CDC42BPA: variants seen among roughly 807,000 people sequenced by gnomAD.
CDC42BPA encodes the protein CDC42 binding protein kinase alpha.
A neutral mutation model predicts 223.5 loss-of-function variants in CDC42BPA; 80 were observed. The observed-to-expected ratio is 0.36, with a 90% CI of 0.30 to 0.43. The LOEUF (loss-of-function observed/expected upper bound fraction) is 0.43, where lower values mean the gene tolerates loss of function less well. Among genes scored for constraint, CDC42BPA ranks in the 20% least tolerant of loss-of-function variants. The pLI, the probability that CDC42BPA is intolerant of heterozygous loss-of-function variation, is 1.00. For missense variants in CDC42BPA, 1,743 were observed against 2,099.9 expected, an observed-to-expected ratio of 0.83 and a Z score of 3.32; for synonymous variants, 694 against 718.6, an observed-to-expected ratio of 0.97 and a Z score of 0.55.
At chr1:227,110,408 T>A (rs944566119) in intron 14 of CDC42BPA, among the ~76,000 whole-genome samples, 5 of 152,142 alleles carry the variant, frequency 3.3e-5, no homozygotes, top group Non-Finnish European at 5.9e-5. Context: ...CAGAGATGTG[T>A]TTGGCAAGTA....
rs566123247 is a variant in CDC42BPA at position 226,998,905 on chromosome 1, G to T, written c.4976-3925C>A. On this transcript the variant is annotated intron_variant, in intron 35 of 36. Transcript: ENST00000366766. ...TTTTGCCATCTATCCATCTGACAAA[G>T]GGCTAATATCCAGAATCTACAAGGA... is the stretch of plus-strand genomic sequence containing the variant. Among the ~76,000 whole-genome samples the T allele has an allele frequency of 5.3e-5, 8 of 152,176 alleles. No homozygotes were observed. In the South Asian group the frequency reaches 1.7e-3, roughly 32 times the overall value.
chr1:227,300,642 G>C (rs115769147), intron 1 of CDC42BPA, among the ~76,000 whole-genome samples: 9,121 of 152,260 alleles, frequency 0.06, 279 homozygotes, highest in Non-Finnish European at 0.073. Context: ...AAGGCAGACA[G>C]AGTAGTATAA....
intron 25 of CDC42BPA, among the ~76,000 whole-genome samples, chr1:227,035,012 G>C (rs1029973261): frequency 1.3e-5 from 2 of 152,106 alleles, no homozygotes; most frequent in South Asian, 4.1e-4. Context: ...TTTATTCTGA[G>C]AAACATTTTA....
chr1:227,279,162 A>C (rs1425178613), intron 1 of CDC42BPA, among the ~76,000 whole-genome samples: 14 of 152,022 alleles, frequency 9.2e-5, no homozygotes, highest in African/African-American at 3.4e-4. Flanking sequence ...GGATGTGAGG[A>C]TCCTGCTGCC....
intron 23 of CDC42BPA, among the ~76,000 whole-genome samples, 164 bp downstream of exon 23, chr1:227,047,763 T>G (rs1672745119): frequency 6.6e-6 from 1 of 152,196 alleles, no homozygotes; most frequent in South Asian, 2.1e-4. Context: ...ACGCTCTCCC[T>G]ACCTTTCCTA....
At chr1:227,016,305 A>G in intron 33 of CDC42BPA, 108 bp from the exon 34 acceptor site, 1 of 700,318 alleles carries the variant, frequency 1.4e-6, no homozygotes, top group Non-Finnish European at 2.5e-6. Context: ...GTTAAATCAC[A>G]TTAATAAGAA....
chr1:227,016,293 CTG>C, intron 33 of CDC42BPA, 96 bp from the exon 34 acceptor site: 1 of 726,196 alleles, frequency 1.4e-6, no homozygotes, highest in Non-Finnish European at 2.4e-6. Flanking sequence ...AAAAATACAA[CTG>C]TTAAATCACA....
rs554225506 is a variant in CDC42BPA, at chr1:227,109,372, A to G, written c.2001+2940T>C. 2.0e-5 allele frequency among the ~76,000 whole-genome samples: 3 copies of G among 148,948 alleles called. No individual in the cohort carries two copies. The East Asian group carries it at 6.3e-4, about 31-fold the overall frequency. On this transcript the variant is annotated intron_variant, in intron 14 of 36. Transcript: ENST00000366766. Reference sequence around the variant, plus strand: ...ACATTGTACAGATGTACAAAAATGTATCTTTTTTTTTGAGACAGAGTCTCA... The same window carrying G: ...ACATTGTACAGATGTACAAAAATGTGTCTTTTTTTTTGAGACAGAGTCTCA...
At chr1:226,996,164 G>T (rs11586604) in intron 35 of CDC42BPA, among the ~76,000 whole-genome samples, 58,083 of 152,048 alleles carry the variant, frequency 0.38, 11,671 homozygotes, top group Non-Finnish European at 0.46. Context: ...CTCGACACTG[G>T]AACTGACTGA....
intron 2 of CDC42BPA, among the ~76,000 whole-genome samples, chr1:227,239,076 T>C (rs779762068): frequency 5.9e-5 from 9 of 152,198 alleles, no homozygotes; most frequent in Admixed American, 1.3e-4. Flanking sequence ...ATCTAGACAA[T>C]GTAATATTAT....
At chr1:227,063,235 T>C (rs1185427697) in intron 21 of CDC42BPA, among the ~76,000 whole-genome samples, 1 of 152,194 alleles carries the variant, frequency 6.6e-6, no homozygotes, top group East Asian at 1.9e-4. Flanking sequence ...ATTGAATTCA[T>C]GGCAAACACT....
chr1:227,201,835 C>A (rs1350216411), intron 3 of CDC42BPA, among the ~76,000 whole-genome samples: 2 of 150,940 alleles, frequency 1.3e-5, no homozygotes, highest in Non-Finnish European at 2.9e-5. Context: ...ACACAGAAAT[C>A]TACCTAATTT....
At chr1:227,185,255 G>C (rs1668568659) in intron 5 of CDC42BPA, among the ~76,000 whole-genome samples, 1 of 152,038 alleles carries the variant, frequency 6.6e-6, no homozygotes, top group Admixed American at 6.5e-5. Flanking sequence ...AGGGGTCCTT[G>C]GAAGATTTTT....
intron 4 of CDC42BPA, among the ~76,000 whole-genome samples, chr1:227,197,624 C>T (rs1179065955): frequency 6.6e-6 from 1 of 151,960 alleles, no homozygotes. Context: ...TATTTGGGTA[C>T]TTTATTTCTA....
At chr1:227,085,830 T>G (rs1043350066) in intron 16 of CDC42BPA, among the ~76,000 whole-genome samples, 2 of 152,194 alleles carry the variant, frequency 1.3e-5, no homozygotes, top group African/African-American at 4.8e-5. Context: ...TTTTCACACT[T>G]TTACTGAGGT....
chr1:227,297,967 T>TATATATATATATATATACAC (rs369403944), intron 1 of CDC42BPA, among the ~76,000 whole-genome samples: 9 of 132,074 alleles, frequency 6.8e-5, no homozygotes, highest in African/African-American at 2.3e-4. Flanking sequence ...TATATACATA[T>TATATATATATATATATACAC]ACACACACAC....
intron 4 of CDC42BPA, among the ~76,000 whole-genome samples, chr1:227,197,087 TGTA>T (rs1271854394): frequency 4.6e-5 from 7 of 152,224 alleles, no homozygotes; most frequent in Non-Finnish European, 1.0e-4. Context: ...CATAAACTAT[TGTA>T]GTAAGTAGGT....
chr1:227,213,454 T>C (rs995347569), intron 2 of CDC42BPA, among the ~76,000 whole-genome samples: 1 of 152,202 alleles, frequency 6.6e-6, no homozygotes, highest in Non-Finnish European at 1.5e-5. Flanking sequence ...GTGAACGCTG[T>C]ATTAGTTGGT....
At chr1:227,229,637 T>C (rs1677461840) in intron 2 of CDC42BPA, among the ~76,000 whole-genome samples, 1 of 152,206 alleles carries the variant, frequency 6.6e-6, no homozygotes, top group Non-Finnish European at 1.5e-5. Context: ...AATCCATGAA[T>C]ATGCAATGTC....
Sources: allele counts gnomAD v4.1 joint callset (sites outside exome capture counted in the v4.1 genomes callset), GRCh38; gene constraint gnomAD v4.1.1; transcripts MANE v1.5; gene names NCBI Gene and HGNC (gene_info 2026-07-23, HGNC 2026-07-21).